RWDD1: variants seen among roughly 807,000 people sequenced by gnomAD.
RWDD1 encodes RWD domain containing 1, also known as RWD domain-containing protein 1.
In RWDD1, 17 loss-of-function variants were observed where a neutral mutation model predicts 31.6. The ratio of observed to expected loss-of-function variants is 0.54; its 90% CI spans 0.37 to 0.81. The LOEUF (loss-of-function observed/expected upper bound fraction) is 0.81, where lower values mean the gene tolerates loss of function less well. Among genes scored for constraint, RWDD1 ranks in the 30% least tolerant of loss-of-function variants. RWDD1 has a pLI of 0.00. For synonymous variants in RWDD1, 78 were observed against 94.2 expected (o/e 0.83, Z 0.99); for missense variants, 204 against 274.5 (o/e 0.74, Z 1.82).
chr6:116,593,178 T>C lies in RWDD1; in HGVS notation c.*77T>C. ...TGCTCAGAGGGTTATGATTTTCCTT[T>C]CTTTTTTTCTAAGAAAAAATTATTT... On this transcript the variant is annotated 3_prime_UTR_variant, in exon 7 of 7. Transcript: ENST00000466444. 1 of 1,376,618 alleles carries C rather than the reference T, an allele frequency of 7.3e-7. No homozygotes were observed. Among genetic ancestry groups the C allele is most frequent in the Non-Finnish European group, 9.7e-7 (1 of 1,035,670 alleles). 85.3% of individuals were successfully genotyped at this position (1,376,618 alleles called of 1,614,324 possible).
chr6:116,582,824 G>A (rs1323352464), intron 2 of RWDD1, among the ~76,000 whole-genome samples: 1 of 151,634 alleles, frequency 6.6e-6, no homozygotes, highest in East Asian at 1.9e-4. Context: ...AGTTCCTTGA[G>A]GGGCATGTTA....
chr6:116,581,229 C>T (rs966785748), intron 2 of RWDD1, among the ~76,000 whole-genome samples: 5 of 152,038 alleles, frequency 3.3e-5, no homozygotes, highest in African/African-American at 1.2e-4. Context: ...TGCTTTAAAG[C>T]ATGAAATAAA....
chr6:116,575,020 T>G (rs1774813342), intron 1 of RWDD1, among the ~76,000 whole-genome samples: 2 of 152,074 alleles, frequency 1.3e-5, no homozygotes, highest in Non-Finnish European at 2.9e-5. Flanking sequence ...GTCTCCTGCC[T>G]CCAACTCCCA....
In RWDD1 at chr6:116,580,313, C is replaced by G. The variant is rs773709287; in HGVS notation, c.92C>G (p.Pro31Arg). The G allele has an allele frequency of 6.3e-7, 1 of 1,596,976 alleles. No individual in the cohort carries two copies. Among genetic ancestry groups the G allele is most frequent in the Non-Finnish European group, 8.6e-7 (1 of 1,169,236 alleles). The change falls in exon 2 of 7, where the codon CCC (proline) becomes CGC (arginine). Residue 31 changes from proline (P) to arginine (R), a missense_variant. Pro to Arg is a moderately radical substitution (Grantham distance 103, BLOSUM62 -2). Transcript: ENST00000466444. ...CTTGCAGTATTATCAGAAAATCCACCCAGCTTCACCATTACTGTGACGTCT... is the reference window on the plus strand; with the variant it reads ...CTTGCAGTATTATCAGAAAATCCACGCAGCTTCACCATTACTGTGACGTCT... ...DSFTVLSENPPSFTITVTSEA... is the reference protein window; with the variant it reads ...DSFTVLSENPRSFTITVTSEA...
intron 6 of RWDD1, among the ~76,000 whole-genome samples, 187 bp downstream of exon 6, chr6:116,591,137 T>G (rs1179664422): frequency 6.6e-6 from 1 of 152,044 alleles, no homozygotes; most frequent in African/African-American, 2.4e-5. Context: ...TATAATGTAG[T>G]CTCTTTAATT....
Position 116,587,662 on chromosome 6 carries a change from C to T in RWDD1, c.271-1180C>T, listed in dbSNP as rs568804287. 9.4e-5 allele frequency among the ~76,000 whole-genome samples: 14 copies of T among 148,638 alleles called. No homozygotes were observed. The South Asian group carries it at 2.6e-3, about 27-fold the overall frequency. Reference sequence around the variant, plus strand: ...ATTGATTAGTTCTCTCTGTGACTCTCTCTGTGTGTATGTGTGTGTGTGTGT... The same window carrying T: ...ATTGATTAGTTCTCTCTGTGACTCTTTCTGTGTGTATGTGTGTGTGTGTGT... On this transcript the variant is annotated intron_variant, in intron 3 of 6. Transcript: ENST00000466444.
At chr6:116,584,618 C>G in intron 2 of RWDD1, 109 bp from the exon 3 acceptor site, 1 of 934,190 alleles carries the variant, frequency 1.1e-6, no homozygotes, top group Non-Finnish European at 1.7e-6. Context: ...CTCTTAATAA[C>G]CTTTTTCTTT....
chr6:116,574,825 C>T (rs1774809861), intron 1 of RWDD1, among the ~76,000 whole-genome samples: 1 of 142,290 alleles, frequency 7.0e-6, no homozygotes, highest in Non-Finnish European at 1.5e-5. Flanking sequence ...GGCTGGAGTG[C>T]AGTGCCCCAA....
In RWDD1 at chr6:116,590,415, C is replaced by T. The variant is rs1294123137; in HGVS notation, c.547+11C>T. The T allele has an allele frequency of 6.4e-7, 1 of 1,573,840 alleles. No homozygotes were observed. On this transcript the variant is annotated intron_variant, in intron 5 of 6. Coordinates refer to ENST00000466444, the MANE Select transcript of RWDD1 (RefSeq NM_015952.4). ...AAAATAAATTAAGTGGTATGATTCC[C>T]CTGCCATTCCTGTTCTTCCTAAACC...
intron 1 of RWDD1, among the ~76,000 whole-genome samples, chr6:116,571,906 C>A (rs995660549): frequency 1.3e-5 from 2 of 151,874 alleles, no homozygotes; most frequent in African/African-American, 4.8e-5. Flanking sequence ...AAAATTGAGT[C>A]GGGATTACTT....
At chr6:116,572,215 C>T (rs1245235682) in intron 1 of RWDD1, among the ~76,000 whole-genome samples, 2 of 151,768 alleles carry the variant, frequency 1.3e-5, no homozygotes, top group Admixed American at 1.3e-4. Context: ...TAATGTGGCC[C>T]AAATTTCCGT....
intron 4 of RWDD1, among the ~76,000 whole-genome samples, chr6:116,589,904 A>G (rs745867787): frequency 2.6e-5 from 4 of 152,218 alleles, no homozygotes; most frequent in Non-Finnish European, 5.9e-5. Context: ...TCCCTCCTAC[A>G]GCACATGGGA....
intron 1 of RWDD1, among the ~76,000 whole-genome samples, chr6:116,572,199 A>G (rs1166131334): frequency 6.6e-6 from 1 of 152,082 alleles, no homozygotes; most frequent in Non-Finnish European, 1.5e-5. Context: ...CAGAATGCCT[A>G]ATGGATAATG....
At chr6:116,578,558 G>C (rs952215599) in intron 1 of RWDD1, among the ~76,000 whole-genome samples, 3 of 152,178 alleles carry the variant, frequency 2.0e-5, no homozygotes, top group African/African-American at 7.2e-5. Flanking sequence ...TATTTCTATA[G>C]TTGCAGTGTT....
intron 1 of RWDD1, among the ~76,000 whole-genome samples, chr6:116,572,707 C>T (rs997495777): frequency 6.6e-6 from 1 of 152,128 alleles, no homozygotes; most frequent in African/African-American, 2.4e-5. Context: ...TGTTGCCTAT[C>T]GTTGATAGTC....
intron 1 of RWDD1, among the ~76,000 whole-genome samples, chr6:116,578,729 G>A (rs575240997): frequency 9.9e-5 from 15 of 152,218 alleles, no homozygotes; most frequent in African/African-American, 3.6e-4. Context: ...TTTTCAGCAT[G>A]GGCTGGACTA....
intron 2 of RWDD1, 53 bp from the exon 3 acceptor site, chr6:116,584,674 T>G: frequency 2.0e-6 from 3 of 1,519,828 alleles, no homozygotes; most frequent in African/African-American, 2.8e-5. Context: ...AGCAAAGATA[T>G]CTACCTCTTT....
intron 2 of RWDD1, among the ~76,000 whole-genome samples, chr6:116,580,954 G>T (rs1774937951): frequency 6.6e-6 from 1 of 152,170 alleles, no homozygotes; most frequent in South Asian, 2.1e-4. Context: ...TGATAAAAAG[G>T]TTATGTAAAT....
intron 1 of RWDD1, among the ~76,000 whole-genome samples, chr6:116,575,113 G>A (rs1774815565): frequency 6.6e-6 from 1 of 151,842 alleles, no homozygotes; most frequent in Admixed American, 6.6e-5. Flanking sequence ...TTGAGAGAGA[G>A]TCTCCCTTTG....
Sources: gnomAD v4.1 joint callset for allele counts (sites outside exome capture counted in the v4.1 genomes callset) on GRCh38, gnomAD v4.1.1 for gene constraint, MANE v1.5 for transcripts, NCBI Gene and HGNC (gene_info 2026-07-23, HGNC 2026-07-21) for gene names.